The following EXOC6B variants were observed in gnomAD, a reference collection of about 807,000 sequenced individuals.
EXOC6B encodes the protein exocyst complex component 6B.
EXOC6B carries 54 observed loss-of-function variants against 113.5 expected under a neutral mutation model. The observed-to-expected ratio is 0.48, with a 90% CI of 0.38 to 0.60. The LOEUF is 0.60. Among genes scored for constraint, EXOC6B ranks in the 20% least tolerant of loss-of-function variants. EXOC6B has a pLI of 0.00. For synonymous variants in EXOC6B, 357 were observed against 339.0 expected (o/e 1.05, Z -0.58); for missense variants, 797 against 977.5 (o/e 0.82, Z 2.46).
intron 1 of EXOC6B, among the ~76,000 whole-genome samples, chr2:72,824,302 T>C (rs977822372): frequency 6.6e-6 from 1 of 152,024 alleles, no homozygotes; most frequent in African/African-American, 2.4e-5. Flanking sequence ...GGTGGGAGGA[T>C]CTTAACTCAG....
intron 20 of EXOC6B, among the ~76,000 whole-genome samples, chr2:72,292,744 G>A (rs1408017896): frequency 6.6e-6 from 1 of 152,126 alleles, no homozygotes; most frequent in East Asian, 1.9e-4. Context: ...CATCATTACA[G>A]TTTTGTCACT....
chr2:72,215,515 A>G (rs1680468232), intron 20 of EXOC6B, among the ~76,000 whole-genome samples: 1 of 152,198 alleles, frequency 6.6e-6, no homozygotes, highest in Non-Finnish European at 1.5e-5. Context: ...AAAACTTCAT[A>G]GGAAGTTGAT....
intron 17 of EXOC6B, among the ~76,000 whole-genome samples, chr2:72,466,749 T>C (rs990042251): frequency 1.3e-5 from 2 of 152,188 alleles, no homozygotes; most frequent in African/African-American, 4.8e-5. Context: ...TTGAGCTAAG[T>C]TGGATGCAAA....
intron 3 of EXOC6B, among the ~76,000 whole-genome samples, chr2:72,732,736 T>C (rs560234045): frequency 1.6e-3 from 249 of 151,642 alleles, no homozygotes; most frequent in African/African-American, 5.9e-3. Context: ...TCAAATAAGG[T>C]GGTTAGGAAA....
chr2:72,661,640 C>T (rs1380177276), intron 6 of EXOC6B, among the ~76,000 whole-genome samples: 3 of 152,002 alleles, frequency 2.0e-5, no homozygotes, highest in Admixed American at 6.6e-5. Flanking sequence ...AATTCAGCTA[C>T]AGATTCGATG....
At chr2:72,433,674 A>G (rs896803786) in intron 18 of EXOC6B, among the ~76,000 whole-genome samples, 2 of 152,144 alleles carry the variant, frequency 1.3e-5, no homozygotes, top group Admixed American at 1.3e-4. Context: ...AGCAATTGTG[A>G]ATCGGAGCTC....
At chr2:72,265,618 G>A (rs1330405545) in intron 20 of EXOC6B, among the ~76,000 whole-genome samples, 3 of 151,630 alleles carry the variant, frequency 2.0e-5, no homozygotes, top group Non-Finnish European at 2.9e-5. Flanking sequence ...ATTCCATGGT[G>A]TATATGTGCC....
At chr2:72,611,313 G>A (rs1369529844) in intron 6 of EXOC6B, among the ~76,000 whole-genome samples, 13 of 151,572 alleles carry the variant, frequency 8.6e-5, no homozygotes, top group African/African-American at 2.4e-4. Flanking sequence ...AGCCGAGATC[G>A]TGCCACTGCA....
At chr2:72,250,755 T>A (rs903503231) in intron 20 of EXOC6B, among the ~76,000 whole-genome samples, 17 of 151,908 alleles carry the variant, frequency 1.1e-4, no homozygotes, top group African/African-American at 4.1e-4. Context: ...TACTCATCAC[T>A]TGTAAAAAAA....
chr2:72,378,120 C>G (rs1045120098), intron 19 of EXOC6B, among the ~76,000 whole-genome samples: 1 of 152,158 alleles, frequency 6.6e-6, no homozygotes, highest in African/African-American at 2.4e-5. Flanking sequence ...TTCCAGTGAC[C>G]TTTGGCACCC....
Position 72,718,270 on chromosome 2 carries a change from G to T in EXOC6B, c.502C>A (p.His168Asn). 6.2e-7 allele frequency: 1 copy of T among 1,613,716 alleles called. No individual in the cohort carries two copies. Among genetic ancestry groups the T allele is most frequent in the Non-Finnish European group, 8.5e-7 (1 of 1,179,734 alleles). ...TGGCTTACTTGAGGCAGGTAGGTAT[G>T]CTCTAGATGTTCCAGAGTTTTCAGT... ...PALKTLEHLE[H>N]TYLPQVSHYR... The change falls in exon 6 of 22, where the codon CAT becomes AAT. Residue 168 changes from histidine to asparagine, a missense_variant. Physicochemically the swap from His to Asn is moderately conservative, Grantham distance 68. Coordinates refer to ENST00000272427, the MANE Select transcript of EXOC6B (RefSeq NM_015189.3).
intron 8 of EXOC6B, among the ~76,000 whole-genome samples, chr2:72,552,344 A>G (rs1431632232): frequency 6.6e-6 from 1 of 152,238 alleles, no homozygotes; most frequent in Admixed American, 6.5e-5. Context: ...GAGAGTAAAC[A>G]AAATAATGAA....
intron 8 of EXOC6B, 79 bp from the exon 9 acceptor site, chr2:72,515,205 A>G: frequency 7.5e-7 from 1 of 1,341,420 alleles, no homozygotes; most frequent in Non-Finnish European, 1.0e-6. Context: ...AGAAGGTCCC[A>G]GGTCTGGAAT....
chr2:72,224,816 G>A (rs1485849618), intron 20 of EXOC6B, among the ~76,000 whole-genome samples: 3 of 148,638 alleles, frequency 2.0e-5, no homozygotes, highest in Non-Finnish European at 3.0e-5. Flanking sequence ...GTGTGTGTGT[G>A]TGTGCGTGTG....
At chr2:72,782,629 C>T (rs1254114243) in intron 1 of EXOC6B, among the ~76,000 whole-genome samples, 1 of 152,134 alleles carries the variant, frequency 6.6e-6, no homozygotes, top group Non-Finnish European at 1.5e-5. Context: ...AAACTTATTC[C>T]TTCTAACTGT....
chr2:72,823,460 A>AAAAAAAAAAAAAAAAAAAAAG (rs1686696778), intron 1 of EXOC6B, among the ~76,000 whole-genome samples: 1 of 97,906 alleles, frequency 1.0e-5, no homozygotes, highest in Admixed American at 1.0e-4. Context: ...AAGTTTTAAG[A>AAAAAAAAAAAAAAAAAAAAAG]AAAAAAAAAA....
At chr2:72,736,307 TAA>T (rs1680956280) in intron 2 of EXOC6B, among the ~76,000 whole-genome samples, 6 of 152,068 alleles carry the variant, frequency 3.9e-5, no homozygotes, top group African/African-American at 1.4e-4. Flanking sequence ...TCAAAAGAAA[TAA>T]TGGGCATCTT....
chr2:72,259,180 C>T (rs1683547358), intron 20 of EXOC6B, among the ~76,000 whole-genome samples: 1 of 152,206 alleles, frequency 6.6e-6, no homozygotes, highest in African/African-American at 2.4e-5. Flanking sequence ...AGTACCACCT[C>T]TCAGAGGCAA....
chr2:72,692,268 C>T (rs999766775), intron 6 of EXOC6B, among the ~76,000 whole-genome samples: 2 of 151,506 alleles, frequency 1.3e-5, no homozygotes, highest in African/African-American at 2.4e-5. Context: ...ATTACTAATT[C>T]CTTCTCTATT....
Sources: allele counts gnomAD v4.1 joint callset (sites outside exome capture counted in the v4.1 genomes callset), GRCh38; gene constraint gnomAD v4.1.1; transcripts MANE v1.5; gene names NCBI Gene and HGNC (gene_info 2026-07-23, HGNC 2026-07-21).